GAS2: variants seen among roughly 807,000 people sequenced by gnomAD.
GAS2 encodes growth arrest-specific protein 2.
Under a neutral mutation model 37.5 loss-of-function variants are expected in GAS2, and 20 were observed. The observed-to-expected ratio is 0.53, with a 90% CI of 0.37 to 0.77. The LOEUF is 0.77. Among genes scored for constraint, GAS2 ranks in the 30% least tolerant of loss-of-function variants. GAS2 has a pLI of 0.00. For missense variants in GAS2, 336 were observed against 373.4 expected, an observed-to-expected ratio of 0.90 and a Z score of 0.82; for synonymous variants, 144 against 132.2, an observed-to-expected ratio of 1.09 and a Z score of -0.61.
chr11:22,718,260 T>C (rs1851777908), intron 3 of GAS2, among the ~76,000 whole-genome samples: 1 of 150,942 alleles, frequency 6.6e-6, no homozygotes. Flanking sequence ...AAATGTGTCA[T>C]ATATATATAT....
At chr11:22,679,042 T>C (rs1849559134) in intron 2 of GAS2, among the ~76,000 whole-genome samples, 1 of 152,096 alleles carries the variant, frequency 6.6e-6, no homozygotes, top group South Asian at 2.1e-4. Flanking sequence ...TGGTTAATAG[T>C]AGCTGGGATT....
chr11:22,672,969 T>C (rs1849263953), intron 1 of GAS2, among the ~76,000 whole-genome samples: 1 of 152,164 alleles, frequency 6.6e-6, no homozygotes, highest in African/African-American at 2.4e-5. Flanking sequence ...AATCTAATAA[T>C]GTATGACAAG....
rs1018754306 is a variant in GAS2 at position 22,685,695 on chromosome 11, T to C, written c.173T>C (p.Met58Thr). ...AAGGAGATTACAGCAGAAACTTTTA[T>C]GGAGAAGTTGGACAATGGTGCCTTG... is the stretch of plus-strand genomic sequence containing the variant. ...LGKEITAETF[M>T]EKLDNGALLC... is the part of the protein sequence containing the mutation. The change falls in exon 3 of 8, where the codon ATG (methionine) becomes ACG (threonine). Residue 58 changes from methionine (M) to threonine (T), a missense_variant. Physicochemically the swap from Met to Thr is moderately conservative, Grantham distance 81 (BLOSUM62 -1). Transcript: ENST00000454584. 6.2e-7 allele frequency: 1 copy of C among 1,613,560 alleles called. No homozygotes were observed. Among genetic ancestry groups the C allele is most frequent in the Non-Finnish European group, 8.5e-7 (1 of 1,179,812 alleles).
chr11:22,678,815 CA>C, intron 2 of GAS2, among the ~76,000 whole-genome samples: 2 of 151,968 alleles, frequency 1.3e-5, no homozygotes, highest in African/African-American at 4.8e-5. Context: ...TTTGTTAGTT[CA>C]TAAACCAGTG....
intron 1 of GAS2, among the ~76,000 whole-genome samples, chr11:22,658,875 A>G (rs1270897147): frequency 2.6e-5 from 4 of 152,210 alleles, no homozygotes; most frequent in African/African-American, 9.6e-5. Context: ...AATGCCATAA[A>G]TCTGAATGTT....
intron 7 of GAS2, among the ~76,000 whole-genome samples, chr11:22,794,982 C>T (rs1394942582): frequency 1.3e-5 from 2 of 152,002 alleles, no homozygotes; most frequent in African/African-American, 2.4e-5. Flanking sequence ...TTCATTCATC[C>T]AACATATATT....
intron 5 of GAS2, among the ~76,000 whole-genome samples, chr11:22,739,573 A>AG: frequency 3.1e-4 from 1 of 3,266 alleles, no homozygotes; most frequent in African/African-American, 4.8e-4. Context: ...ATTCGCTCTC[A>AG]AAAAAAAAAA....
At chr11:22,659,907 AGG>A (rs1341242019) in intron 1 of GAS2, among the ~76,000 whole-genome samples, 41 of 112,004 alleles carry the variant, frequency 3.7e-4, no homozygotes, top group Non-Finnish European at 7.5e-4. Context: ...GGAGGAAGGG[AGG>A]GAGGAAGGGA....
At chr11:22,713,233 A>G (rs1024150232) in intron 3 of GAS2, among the ~76,000 whole-genome samples, 1 of 151,928 alleles carries the variant, frequency 6.6e-6, no homozygotes, top group Non-Finnish European at 1.5e-5. Context: ...AAGTTTCAAC[A>G]ATAGAATCAA....
chr11:22,746,569 AG>A (rs1258475773), intron 5 of GAS2, among the ~76,000 whole-genome samples: 1 of 152,222 alleles, frequency 6.6e-6, no homozygotes, highest in African/African-American at 2.4e-5. Flanking sequence ...AGGCAGCTGA[AG>A]GCCATTATCT....
At chr11:22,656,704 A>T (rs1248703319) in intron 1 of GAS2, among the ~76,000 whole-genome samples, 1 of 152,202 alleles carries the variant, frequency 6.6e-6, no homozygotes, top group African/African-American at 2.4e-5. Context: ...TAAGAGTGGA[A>T]ATAGTCAAAG....
At chr11:22,713,766 A>G (rs1395801312) in intron 3 of GAS2, among the ~76,000 whole-genome samples, 4 of 152,170 alleles carry the variant, frequency 2.6e-5, no homozygotes, top group African/African-American at 4.8e-5. Flanking sequence ...AGCTTCATAC[A>G]TGAGAGATAA....
intron 4 of GAS2, among the ~76,000 whole-genome samples, chr11:22,728,133 TTACTA>T (rs1484475695): frequency 1.3e-5 from 2 of 152,036 alleles, no homozygotes; most frequent in African/African-American, 2.4e-5. Flanking sequence ...TTCTCAGTGA[TTACTA>T]TAGGATAAAT....
At chr11:22,687,885 T>C (rs1407033419) in intron 3 of GAS2, among the ~76,000 whole-genome samples, 3 of 152,222 alleles carry the variant, frequency 2.0e-5, no homozygotes, top group Non-Finnish European at 4.4e-5. Context: ...CTTGTATTGC[T>C]TATTGTTGAG....
At chr11:22,634,117 C>T (rs918471693) in intron 1 of GAS2, among the ~76,000 whole-genome samples, 1 of 152,138 alleles carries the variant, frequency 6.6e-6, no homozygotes, top group Non-Finnish European at 1.5e-5. Context: ...GGAGGCCTCA[C>T]ATTCATGGCG....
At chr11:22,711,398 G>A (rs1304571629) in intron 3 of GAS2, among the ~76,000 whole-genome samples, 3 of 152,186 alleles carry the variant, frequency 2.0e-5, no homozygotes, top group Non-Finnish European at 4.4e-5. Flanking sequence ...AGCAGCTGGT[G>A]GAATTTGGGA....
rs75960738 is a variant in GAS2, at chr11:22,729,170, G to A, written c.409+2737G>A. Among the ~76,000 whole-genome samples, 5 of 151,954 alleles carry A rather than the reference G, an allele frequency of 3.3e-5. No homozygotes were observed. In the East Asian group the frequency reaches 9.7e-4, roughly 30 times the overall value. On this transcript the variant is annotated intron_variant, in intron 4 of 7. Coordinates refer to ENST00000454584, the MANE Select transcript of GAS2 (RefSeq NM_001143830.3). ...GGGAAAAATGTGTTTGAATGATAAA[G>A]TAGATCACTGTACTGAGTGTGTATG...
intron 5 of GAS2, among the ~76,000 whole-genome samples, chr11:22,746,741 A>T (rs544284076): frequency 6.6e-6 from 1 of 152,280 alleles, no homozygotes; most frequent in East Asian, 1.9e-4. Flanking sequence ...ACAAAAACTA[A>T]TTTGGTACTA....
At chr11:22,673,784 G>A (rs1353573111) in intron 1 of GAS2, among the ~76,000 whole-genome samples, 1 of 152,078 alleles carries the variant, frequency 6.6e-6, no homozygotes, top group Non-Finnish European at 1.5e-5. Flanking sequence ...CCATATTCAA[G>A]GCCAAATATA....
Sources: allele counts gnomAD v4.1 joint callset (sites outside exome capture counted in the v4.1 genomes callset), GRCh38; gene constraint gnomAD v4.1.1; transcripts MANE v1.5; gene names NCBI Gene and HGNC (gene_info 2026-07-23, HGNC 2026-07-21).